Variants in MYH11 observed in about 807,000 individuals in gnomAD.
MYH11 encodes myosin-11.
MYH11 carries 80 observed loss-of-function variants against 246.6 expected under a neutral mutation model. That is an observed-to-expected ratio of 0.32 (90% confidence interval 0.27 to 0.39). The LOEUF is 0.39. Among genes scored for constraint, MYH11 ranks in the 10% least tolerant of loss-of-function variants. MYH11 has a pLI of 1.00. For missense variants in MYH11, 2,158 were observed against 2,546.8 expected (o/e 0.85, Z 3.29); for synonymous variants, 1,071 against 1,015.5 (o/e 1.05, Z -1.04).
chr16:15,738,736 T>C (rs1567715983), intron 23 of MYH11, 48 bp from the exon 24 acceptor site: 10 of 1,601,918 alleles, frequency 6.2e-6, no homozygotes, highest in Non-Finnish European at 8.5e-6. Flanking sequence ...TTCTTTTCTC[T>C]AGAATCTATG....
intron 38 of MYH11, 109 bp from the exon 39 acceptor site, chr16:15,715,381 G>C (rs559186144): frequency 2.1e-4 from 196 of 955,240 alleles, no homozygotes; most frequent in South Asian, 5.8e-4. Flanking sequence ...CCCGTATCTG[G>C]ACTCCTCTCA....
chr16:15,740,222 G>A, intron 22 of MYH11, 34 bp from the exon 23 acceptor site: 1 of 1,613,738 alleles, frequency 6.2e-7, no homozygotes, highest in Non-Finnish European at 8.5e-7. Context: ...AACAGCTTTG[G>A]TTATAACAGA....
In MYH11 at chr16:15,724,677, C is replaced by A; in HGVS notation, c.4086G>T (p.Leu1362=). 6.2e-7 allele frequency: 1 copy of A among 1,614,202 alleles called. No individual in the cohort carries two copies. The highest frequency in any genetic ancestry group is 8.5e-7 in the Non-Finnish European group (1 of 1,180,024). ...LDEEMEAKQN[L]ERHISTLNIQ... ...TGTTGAGAGTGGAGATGTGGCGCTC[C>A]AGGTTCTGCTTGGCCTCCATCTCCT... The change falls in exon 30 of 41, where the codon CTG becomes CTT. Residue 1362 remains leucine, a synonymous_variant. Transcript: ENST00000300036.
rs372247345 is a variant in MYH11 at position 15,759,661 on chromosome 16, C to T, written c.1316G>A (p.Arg439His). 41 of 1,614,068 alleles carry T rather than the reference C, an allele frequency of 2.5e-5. 1 individual carries two copies. The South Asian group carries it at 3.3e-4, about 13-fold the overall frequency. The change falls in exon 12 of 41, where the codon CGC (arginine) becomes CAC (histidine). Residue 439 changes from arginine (R) to histidine (H), a missense_variant. This residue lies in a region of MYH11 where 317 missense variants were observed against 507.7 expected (regional missense o/e 0.62). Coordinates refer to ENST00000300036, the MANE Select transcript of MYH11 (RefSeq NM_002474.3). ...GGTCTTGTCCAGGGCTTTGTTCACG[C>T]GGGTGAGTATCCAGCGGAAAAGGCG... ...YERLFRWILT[R>H]VNKALDKTHR...
chr16:15,815,785 A>G (rs1310474752), intron 3 of MYH11, among the ~76,000 whole-genome samples: 1 of 152,132 alleles, frequency 6.6e-6, no homozygotes, highest in African/African-American at 2.4e-5. Context: ...GAAAAACAAA[A>G]ACTGGTCATG....
chr16:15,747,519 C>T (rs2041450189), intron 19 of MYH11, 51 bp downstream of exon 19: 2 of 1,610,290 alleles, frequency 1.2e-6, no homozygotes, highest in Non-Finnish European at 8.5e-7. Context: ...CAGAAAGGCC[C>T]CTGTTTGTGA....
chr16:15,854,626 G>A (rs545912878), intron 1 of MYH11, among the ~76,000 whole-genome samples: 60 of 152,258 alleles, frequency 3.9e-4, no homozygotes, highest in Admixed American at 8.5e-4. Context: ...CCCATTTCCC[G>A]GATGAGAAAG....
In MYH11 at chr16:15,766,344, GGTGTGTGTGTGTGTGTGTGT is replaced by G. The variant is rs3073439; in HGVS notation, c.1034-2473_1034-2454del. 1.6e-3 allele frequency among the ~76,000 whole-genome samples: 218 copies of G among 136,786 alleles called. 1 individual carries two copies. Among genetic ancestry groups the G allele is most frequent in the Middle Eastern group, 0.011 (3 of 274 alleles). 89.7% of individuals were successfully genotyped at this position (136,786 alleles called of 152,430 possible). On this transcript the variant is annotated intron_variant, in intron 9 of 40. Transcript: ENST00000300036. ...TATGTGAAGTGTACCCATGTTTTTT[GGTGTGTGTGTGTGTGTGTGT>G]GTGTGTGTGTGTGTGTGTGTGTGTG...
chr16:15,842,264 C>T (rs1354938166), intron 1 of MYH11, among the ~76,000 whole-genome samples: 1 of 152,004 alleles, frequency 6.6e-6, no homozygotes, highest in Non-Finnish European at 1.5e-5. Flanking sequence ...CATGCGCCTA[C>T]AATCCCAGCT....
intron 3 of MYH11, among the ~76,000 whole-genome samples, chr16:15,808,145 C>T (rs1330425258): frequency 1.3e-5 from 2 of 152,250 alleles, no homozygotes; most frequent in Non-Finnish European, 2.9e-5. Context: ...GGCTCTCTAC[C>T]TAATGCCCCG....
intron 6 of MYH11, among the ~76,000 whole-genome samples, chr16:15,781,154 C>T (rs13339162): frequency 0.045 from 6,908 of 152,270 alleles, 533 homozygotes; most frequent in African/African-American, 0.16. Flanking sequence ...GATCTGCCCG[C>T]CTCAGTCTCC....
intron 11 of MYH11, among the ~76,000 whole-genome samples, chr16:15,760,067 C>G (rs73504420): frequency 1.9e-4 from 29 of 152,158 alleles, no homozygotes; most frequent in Admixed American, 6.5e-4. Flanking sequence ...ACTGCACCCC[C>G]CCCTGGGCAA....
chr16:15,826,142 G>GTTCATTCATTCA (rs112786889), intron 2 of MYH11, among the ~76,000 whole-genome samples: 21 of 150,920 alleles, frequency 1.4e-4, no homozygotes, highest in African/African-American at 2.2e-4. Flanking sequence ...CTGATCGTTC[G>GTTCATTCATTCA]TTCATTCATT....
chr16:15,828,611 G>A (rs1483581945), intron 2 of MYH11, among the ~76,000 whole-genome samples: 1 of 151,980 alleles, frequency 6.6e-6, no homozygotes, highest in South Asian at 2.1e-4. Flanking sequence ...TGGCCAACAT[G>A]GCAAAACCCC....
chr16:15,747,769 T>C, intron 18 of MYH11, 39 bp from the exon 19 acceptor site: 1 of 1,613,590 alleles, frequency 6.2e-7, no homozygotes, highest in Non-Finnish European at 8.5e-7. Flanking sequence ...TGATTTCCAC[T>C]GTGCCATTTG....
intron 6 of MYH11, among the ~76,000 whole-genome samples, chr16:15,781,617 C>T (rs955047894): frequency 4.6e-5 from 7 of 152,182 alleles, no homozygotes; most frequent in African/African-American, 1.7e-4. Context: ...TATCATCAAC[C>T]ATCCACTTTC....
intron 31 of MYH11, 52 bp downstream of exon 31, chr16:15,724,109 T>C: frequency 6.2e-7 from 1 of 1,609,670 alleles, no homozygotes. Context: ...GCAGAGCTGA[T>C]TCCCCAACCC....
At chr16:15,822,848 C>T (rs191341512) in intron 3 of MYH11, among the ~76,000 whole-genome samples, 1 of 152,362 alleles carries the variant, frequency 6.6e-6, no homozygotes, top group East Asian at 1.9e-4. Context: ...CCCCTTTTGA[C>T]AAATGAGGAA....
chr16:15,833,290 C>A lies in MYH11; in HGVS notation c.345+4618G>T, dbSNP rs114548645. ...CCAGCCTGGGCAACAGAGTAAGACC[C>A]CATCTCAAAAGAAAGAAAAAGAAAA... On this transcript the variant is annotated intron_variant, in intron 2 of 40. Coordinates refer to ENST00000300036, the MANE Select transcript of MYH11 (RefSeq NM_002474.3). Among the ~76,000 whole-genome samples the A allele has an allele frequency of 3.3e-3, 488 of 149,208 alleles. 2 individuals are homozygous for A. The highest frequency in any genetic ancestry group is 0.011 in the African/African-American group (461 of 40,644).
Sources: gnomAD v4.1 joint callset for allele counts (sites outside exome capture counted in the v4.1 genomes callset) on GRCh38, gnomAD v4.1.1 for gene constraint, gnomAD v4.1.1 regional missense constraint, MANE v1.5 for transcripts, NCBI Gene and HGNC (gene_info 2026-07-23, HGNC 2026-07-21) for gene names.